The following FYN variants were observed in gnomAD, a reference collection of about 807,000 sequenced individuals.
FYN encodes FYN proto-oncogene, Src family tyrosine kinase.
FYN carries 10 observed loss-of-function variants against 70.2 expected under a neutral mutation model. That is an observed-to-expected ratio of 0.14 (90% CI 0.09 to 0.24). The LOEUF is 0.24. FYN is among the 10% of genes least tolerant of loss of function. The pLI, the probability that FYN is intolerant of heterozygous loss-of-function variation, is 1.00. For synonymous variants in FYN, 236 were observed against 248.6 expected, an observed-to-expected ratio of 0.95 and a Z score of 0.48; for missense variants, 319 against 673.1, an observed-to-expected ratio of 0.47 and a Z score of 5.82.
chr6:111,868,216 G>T lies in FYN; in HGVS notation c.-123+4752C>A, dbSNP rs187349673. Among the ~76,000 whole-genome samples, 141 of 152,192 alleles carry T rather than the reference G, an allele frequency of 9.3e-4. 1 individual carries two copies. Among genetic ancestry groups the T allele is most frequent in the Non-Finnish European group, 9.7e-4 (66 of 67,994 alleles). The stretch of plus-strand genomic sequence containing the variant: ...CCCAGCATTTCTAACATTGGTCAGA[G>T]ACTCCTTTATAGCTCTGCAAAACTA... On this transcript the variant is annotated intron_variant, in intron 1 of 13. Transcript: ENST00000354650.
chr6:111,717,851 A>T (rs2128460288), intron 4 of FYN, among the ~76,000 whole-genome samples: 1 of 152,352 alleles, frequency 6.6e-6, no homozygotes, highest in East Asian at 1.9e-4. Flanking sequence ...CAAGGACCAC[A>T]GAGAAGAGTG....
chr6:111,849,513 G>A (rs1026295640), intron 1 of FYN, among the ~76,000 whole-genome samples: 5 of 152,182 alleles, frequency 3.3e-5, no homozygotes, highest in Non-Finnish European at 5.9e-5. Context: ...TGGGCTGCAC[G>A]CTTAGAGGCC....
chr6:111,776,662 G>A (rs2128504339), intron 3 of FYN, among the ~76,000 whole-genome samples: 1 of 152,254 alleles, frequency 6.6e-6, no homozygotes, highest in African/African-American at 2.4e-5. Context: ...CCCTTTCTGG[G>A]AAGATATTAC....
intron 3 of FYN, among the ~76,000 whole-genome samples, chr6:111,769,326 C>T (rs1370372163): frequency 1.3e-5 from 2 of 152,166 alleles, no homozygotes; most frequent in African/African-American, 4.8e-5. Context: ...ATTTGAATTT[C>T]AATTCTTACA....
At chr6:111,671,519 T>C (rs546163721) in intron 13 of FYN, among the ~76,000 whole-genome samples, 7 of 152,250 alleles carry the variant, frequency 4.6e-5, no homozygotes, top group South Asian at 2.1e-4. Flanking sequence ...CTCAGAAAAA[T>C]GTACCACCAT....
At chr6:111,750,417 G>A (rs538159784) in intron 3 of FYN, among the ~76,000 whole-genome samples, 11 of 152,126 alleles carry the variant, frequency 7.2e-5, no homozygotes, top group Non-Finnish European at 1.2e-4. Flanking sequence ...GGAAGCTTCC[G>A]GAGGCCTCCC....
In FYN at chr6:111,708,056, T is replaced by C; in HGVS notation, c.345-36A>G. 8 of 1,478,962 alleles carry C rather than the reference T, an allele frequency of 5.4e-6. No individual in the cohort carries two copies. In the East Asian group the frequency reaches 1.4e-4, roughly 25 times the overall value. 91.6% of individuals were successfully genotyped at this position (1,478,962 alleles called of 1,614,324 possible). A position where few individuals can be genotyped will look rare whatever the true frequency, so the allele number is the denominator to read the frequency against. ...AAAAGAAAAGTAAATATGTTGACCATTTCAACAGCTTGCAGTTAGAGACTC... is the reference window on the plus strand; with the variant it reads ...AAAAGAAAAGTAAATATGTTGACCACTTCAACAGCTTGCAGTTAGAGACTC... On this transcript the variant is annotated intron_variant, in intron 5 of 13. Transcript: ENST00000354650.
intron 1 of FYN, among the ~76,000 whole-genome samples, chr6:111,871,415 G>A (rs1774269490): frequency 1.3e-5 from 2 of 152,354 alleles, no homozygotes; most frequent in Admixed American, 6.5e-5. Flanking sequence ...AGTTGCTTGG[G>A]TGGTGAGAAA....
chr6:111,774,814 G>A (rs1803643127), intron 3 of FYN, among the ~76,000 whole-genome samples: 3 of 152,074 alleles, frequency 2.0e-5, no homozygotes, highest in African/African-American at 7.2e-5. Flanking sequence ...CACCTCCCAG[G>A]TTCAAGTGAC....
chr6:111,762,183 G>A (rs148850370), intron 3 of FYN, among the ~76,000 whole-genome samples: 5 of 152,292 alleles, frequency 3.3e-5, no homozygotes, highest in African/African-American at 4.8e-5. Flanking sequence ...GAGCAGCAGC[G>A]GTGAGGAAGC....
intron 2 of FYN, among the ~76,000 whole-genome samples, chr6:111,806,410 G>C (rs1772149860): frequency 6.6e-6 from 1 of 152,104 alleles, no homozygotes; most frequent in Non-Finnish European, 1.5e-5. Flanking sequence ...GCCCAGCTCT[G>C]CCCTCCTGGA....
chr6:111,705,741 C>T (rs1004355457), intron 6 of FYN, among the ~76,000 whole-genome samples: 7 of 152,018 alleles, frequency 4.6e-5, no homozygotes, highest in African/African-American at 1.4e-4. Flanking sequence ...CTCAGCTATT[C>T]GGGAGGCTGG....
intron 12 of FYN, among the ~76,000 whole-genome samples, chr6:111,686,331 C>T (rs146335738): frequency 6.6e-6 from 1 of 152,244 alleles, no homozygotes; most frequent in Non-Finnish European, 1.5e-5. Flanking sequence ...ATCCGGGAAG[C>T]TTGATTACAA....
intron 12 of FYN, among the ~76,000 whole-genome samples, chr6:111,682,593 G>A (rs564853610): frequency 6.6e-6 from 1 of 152,300 alleles, no homozygotes; most frequent in South Asian, 2.1e-4. Context: ...GAGTACATAA[G>A]CCGGCCAGGA....
intron 1 of FYN, among the ~76,000 whole-genome samples, chr6:111,849,877 TTC>T (rs1156541724): frequency 1.3e-5 from 2 of 152,230 alleles, no homozygotes; most frequent in African/African-American, 2.4e-5. Flanking sequence ...AGATTTCCTC[TTC>T]TCTGTGTTCC....
chr6:111,712,309 G>A (rs1414858285), intron 5 of FYN, among the ~76,000 whole-genome samples: 1 of 152,212 alleles, frequency 6.6e-6, no homozygotes, highest in East Asian at 1.9e-4. Flanking sequence ...TTGGCATGTA[G>A]GGGAGGCTAA....
At chr6:111,816,802 T>A (rs937318685) in intron 2 of FYN, among the ~76,000 whole-genome samples, 5 of 152,226 alleles carry the variant, frequency 3.3e-5, no homozygotes, top group Non-Finnish European at 5.9e-5. Context: ...GAACTTATTC[T>A]AAGGAGAAAA....
At position 111,705,921 on chromosome 6, in the gene FYN, T is replaced by C. The variant is rs547020023; in HGVS notation, c.444-1819A>G. Among the ~76,000 whole-genome samples the C allele has an allele frequency of 2.0e-5, 3 of 152,302 alleles. No individual in the cohort carries two copies. In the South Asian group the frequency reaches 6.2e-4, roughly 32 times the overall value. The stretch of plus-strand genomic sequence containing the variant: ...GCCCTGGCCTCCCAAGTGCTGGGAT[T>C]ACAGGAGGGAGCCATCACGGTGGAC... On this transcript the variant is annotated intron_variant, in intron 6 of 13. Coordinates refer to ENST00000354650, the MANE Select transcript of FYN (RefSeq NM_002037.5).
At chr6:111,790,247 TACACACACACACACACAC>T (rs61565042) in intron 2 of FYN, among the ~76,000 whole-genome samples, 121 of 125,952 alleles carry the variant, frequency 9.6e-4, no homozygotes, top group East Asian at 5.7e-3. Context: ...GAACCTTAGA[TACACACACACACACACAC>T]ACACACACAC....
Sources: gnomAD v4.1 joint callset for allele counts (sites outside exome capture counted in the v4.1 genomes callset) on GRCh38, gnomAD v4.1.1 for gene constraint, MANE v1.5 for transcripts, NCBI Gene and HGNC (gene_info 2026-07-23, HGNC 2026-07-21) for gene names.